RBFOX1: variants seen among roughly 807,000 people sequenced by gnomAD.
The protein encoded by RBFOX1 is RNA binding protein fox-1 homolog 1.
RBFOX1 carries 8 observed loss-of-function variants against 57.7 expected under a neutral mutation model. The ratio of observed to expected loss-of-function variants is 0.14; its 90% CI spans 0.08 to 0.25. RBFOX1 has a LOEUF of 0.25. Ranked by LOEUF, RBFOX1 falls within the 10% of genes least tolerant of loss-of-function variation. RBFOX1 has a pLI of 1.00. For missense variants in RBFOX1, 611 were observed against 548.5 expected (o/e 1.11, Z -1.14); for synonymous variants, 326 against 222.4 (o/e 1.47, Z -4.15).
rs2075808387 is a variant in RBFOX1 at position 6,276,420 on chromosome 16, T to C, written c.-126-40575T>C. ...CACGATCTTGGCTCACTACCACCTC[T>C]GCCTCCTGGGTTCATTCAAGTGGTT... On this transcript the variant is annotated intron_variant, in intron 1 of 15. Coordinates refer to ENST00000550418, the MANE Select transcript of RBFOX1 (RefSeq NM_018723.4). Among the ~76,000 whole-genome samples the C allele has an allele frequency of 2.0e-5, 3 of 152,182 alleles. No individual in the cohort carries two copies. In the South Asian group the frequency reaches 6.2e-4, roughly 32 times the overall value.
chr16:6,694,481 C>G (rs1039778059), intron 3 of RBFOX1, among the ~76,000 whole-genome samples: 10 of 152,134 alleles, frequency 6.6e-5, no homozygotes, highest in African/African-American at 2.4e-4. Context: ...GTTGATGATC[C>G]AAACCTGCCT....
Position 5,946,379 on chromosome 16 carries a change from C to G in RBFOX1, c.351+79044C>G, listed in dbSNP as rs1290947728. Among the ~76,000 whole-genome samples, 1 of 152,196 alleles carries G rather than the reference C, an allele frequency of 6.6e-6. No individual in the cohort carries two copies. The highest frequency in any genetic ancestry group is 1.5e-5 in the Non-Finnish European group (1 of 68,034). ...TCCATTCCTTTTCTTTTCGTTTGCT[C>G]ATGGATGTTTATCAAACACCAACCA... is the stretch of plus-strand genomic sequence containing the variant. On this transcript the variant is annotated intron_variant, in intron 4 of 19. Coordinates refer to the RBFOX1 transcript ENST00000641259. This position sits in a 1 kb window ranked among gnomAD's most constrained non-coding sequence, Gnocchi z 4.6.
At chr16:7,059,406 A>C (rs150648930) in intron 4 of RBFOX1, among the ~76,000 whole-genome samples, 195 of 152,266 alleles carry the variant, frequency 1.3e-3, no homozygotes, top group African/African-American at 4.4e-3. Flanking sequence ...ATATTTTTTG[A>C]GCAGAAACCG....
At chr16:7,182,895 A>G (rs916660374) in intron 4 of RBFOX1, among the ~76,000 whole-genome samples, 11 of 152,166 alleles carry the variant, frequency 7.2e-5, no homozygotes, top group African/African-American at 2.7e-4. Flanking sequence ...TTCCCTGTTC[A>G]CAACAATTAC....
At chr16:7,612,066 A>C (rs1279005605) in intron 10 of RBFOX1, among the ~76,000 whole-genome samples, 2 of 152,130 alleles carry the variant, frequency 1.3e-5, no homozygotes, top group Non-Finnish European at 2.9e-5. Context: ...TCACGCCTGT[A>C]ATCCCAGCAC....
intron 4 of RBFOX1, among the ~76,000 whole-genome samples, chr16:7,257,482 C>A (rs550602108): frequency 6.6e-6 from 1 of 152,254 alleles, no homozygotes; most frequent in Non-Finnish European, 1.5e-5. Context: ...TGGCTGTCAG[C>A]CATACCCCCC....
chr16:6,386,565 C>T (rs1344158052), intron 2 of RBFOX1, among the ~76,000 whole-genome samples: 2 of 152,100 alleles, frequency 1.3e-5, no homozygotes, highest in African/African-American at 4.8e-5. Flanking sequence ...GCAGCAACAA[C>T]CAATAAATGG....
At chr16:6,448,355 C>G (rs2094529530) in intron 2 of RBFOX1, among the ~76,000 whole-genome samples, 1 of 151,652 alleles carries the variant, frequency 6.6e-6, no homozygotes, top group African/African-American at 2.4e-5. Flanking sequence ...GGCGGGGCTT[C>G]ACCATGTTGA....
At chr16:5,433,470 G>A (rs919146949) in intron 1 of RBFOX1, among the ~76,000 whole-genome samples, 6 of 152,114 alleles carry the variant, frequency 3.9e-5, no homozygotes, top group African/African-American at 1.4e-4. Flanking sequence ...CCTGAAAATA[G>A]GATTATAGCT....
intron 2 of RBFOX1, among the ~76,000 whole-genome samples, chr16:5,533,634 T>C (rs138651625): frequency 4.3e-4 from 65 of 152,112 alleles, no homozygotes; most frequent in African/African-American, 1.5e-3. Flanking sequence ...TCACTCCTGA[T>C]GAAGATTGAT....
chr16:6,586,455 G>T (rs896734993), intron 2 of RBFOX1, among the ~76,000 whole-genome samples: 2 of 152,114 alleles, frequency 1.3e-5, no homozygotes, highest in Non-Finnish European at 2.9e-5. Context: ...GTTAATCAGA[G>T]ATCTTTTCAG....
chr16:7,083,388 C>A (rs958607039), intron 4 of RBFOX1, among the ~76,000 whole-genome samples: 3 of 151,980 alleles, frequency 2.0e-5, no homozygotes, highest in Non-Finnish European at 2.9e-5. Context: ...TGAATGGGTG[C>A]AAACTGAGCA....
intron 4 of RBFOX1, among the ~76,000 whole-genome samples, chr16:7,199,513 T>C (rs564326748): frequency 1.3e-5 from 2 of 152,172 alleles, no homozygotes; most frequent in Non-Finnish European, 2.9e-5. Context: ...ACACCTGTCA[T>C]TGCTGTGTAT....
intron 4 of RBFOX1, among the ~76,000 whole-genome samples, chr16:7,200,145 C>T (rs1470442432): frequency 2.0e-5 from 3 of 152,152 alleles, no homozygotes; most frequent in Admixed American, 1.3e-4. Flanking sequence ...TTGTTCTGGG[C>T]TACAAATTGG....
chr16:7,162,364 A>G (rs1242155536), intron 4 of RBFOX1, among the ~76,000 whole-genome samples: 1 of 152,240 alleles, frequency 6.6e-6, no homozygotes, highest in East Asian at 1.9e-4. Context: ...CTCATTTAAT[A>G]TCACAGTAAT....
chr16:5,365,914 A>T (rs490052), intron 1 of RBFOX1: 1 of 493,764 alleles, frequency 2.0e-6, no homozygotes, highest in Non-Finnish European at 4.0e-6. Context: ...GAAAAGGAGC[A>T]CCAGTTATCT....
At chr16:6,002,441 A>G (rs1349355472) in intron 4 of RBFOX1, among the ~76,000 whole-genome samples, 1 of 152,182 alleles carries the variant, frequency 6.6e-6, no homozygotes, top group Non-Finnish European at 1.5e-5. Flanking sequence ...CACTTTCCAC[A>G]TGGCATGCAC....
intron 2 of RBFOX1, among the ~76,000 whole-genome samples, chr16:5,533,717 A>G (rs1280291547): frequency 6.6e-6 from 1 of 152,182 alleles, no homozygotes; most frequent in Non-Finnish European, 1.5e-5. Context: ...TAAAATGACC[A>G]TGTGGAGTGT....
At chr16:5,809,020 G>A (rs556260452) in intron 3 of RBFOX1, among the ~76,000 whole-genome samples, 8 of 152,140 alleles carry the variant, frequency 5.3e-5, no homozygotes, top group East Asian at 1.9e-4. Flanking sequence ...CTAACGCTGC[G>A]TATCTACAAC....
Sources: gnomAD v4.1 joint callset for allele counts (sites outside exome capture counted in the v4.1 genomes callset) on GRCh38, gnomAD v4.1.1 for gene constraint, Gnocchi (gnomAD v3.1) non-coding constraint, MANE v1.5 for transcripts, NCBI Gene and HGNC (gene_info 2026-07-23, HGNC 2026-07-21) for gene names.